Variants in TOP6BL observed in about 807,000 individuals in gnomAD.
TOP6BL encodes the protein TOP6B like initiator of meiotic double strand breaks, also known as type 2 DNA topoisomerase 6 subunit B-like.
chr11:66,798,521 A>G, the TOP6BL span, among the ~76,000 whole-genome samples: 1 of 148,164 alleles, frequency 6.7e-6, no homozygotes, highest in Non-Finnish European at 1.5e-5. Flanking sequence ...AATCGCTTGA[A>G]CCCAGGAGGT....
the TOP6BL span, among the ~76,000 whole-genome samples, chr11:66,821,286 A>ATTT: frequency 9.4e-6 from 1 of 106,342 alleles, no homozygotes; most frequent in African/African-American, 3.5e-5. Flanking sequence ...ACATCTGGTA[A>ATTT]TTTTTTTTTT....
chr11:66,755,841 C>G, the TOP6BL span, among the ~76,000 whole-genome samples: 1 of 152,196 alleles, frequency 6.6e-6, no homozygotes, highest in African/African-American at 2.4e-5. Context: ...CCTGCCTTCA[C>G]ATGGCATTCT....
chr11:66,809,128 T>G, the TOP6BL span, among the ~76,000 whole-genome samples: 4 of 152,182 alleles, frequency 2.6e-5, no homozygotes, highest in Admixed American at 2.6e-4. Context: ...GTATTTTTAG[T>G]AGAGACGGGG....
chr11:66,772,396 A>G, the TOP6BL span, among the ~76,000 whole-genome samples: 1 of 152,230 alleles, frequency 6.6e-6, no homozygotes, highest in Non-Finnish European at 1.5e-5. Flanking sequence ...GATTGAAACC[A>G]GGAGTTGTAG....
the TOP6BL span, among the ~76,000 whole-genome samples, chr11:66,797,862 G>A: frequency 6.6e-6 from 1 of 152,122 alleles, no homozygotes; most frequent in Non-Finnish European, 1.5e-5. Context: ...TTTATTATCT[G>A]TAGTTAGATA....
chr11:66,828,342 A>T, the TOP6BL span: 1 of 1,613,074 alleles, frequency 6.2e-7, no homozygotes, highest in African/African-American at 1.3e-5. Flanking sequence ...TTTCTTCACC[A>T]CTGCTCATGT....
At chr11:66,824,462 AT>A in the TOP6BL span, among the ~76,000 whole-genome samples, 1 of 131,784 alleles carries the variant, frequency 7.6e-6, no homozygotes, top group Non-Finnish European at 1.6e-5. Context: ...TATTATTATT[AT>A]ACTTTAAGTT....
chr11:66,783,975 A>G, the TOP6BL span, among the ~76,000 whole-genome samples: 4 of 151,986 alleles, frequency 2.6e-5, no homozygotes, highest in African/African-American at 9.7e-5. Flanking sequence ...AGAGCTGTGC[A>G]CCACCACACC....
the TOP6BL span, among the ~76,000 whole-genome samples, chr11:66,824,319 C>T: frequency 1.3e-5 from 2 of 151,664 alleles, no homozygotes; most frequent in Non-Finnish European, 2.9e-5. Flanking sequence ...GATCTTGGCT[C>T]ACCGCAACCT....
the TOP6BL span, chr11:66,761,433 A>G: frequency 1.7e-4 from 44 of 259,224 alleles, no homozygotes; most frequent in Middle Eastern, 2.7e-3. Context: ...ATGAGGGTGC[A>G]AAACATAGAA....
the TOP6BL span, among the ~76,000 whole-genome samples, chr11:66,797,413 C>G: frequency 1.1e-4 from 16 of 151,962 alleles, no homozygotes; most frequent in Non-Finnish European, 2.2e-4. Flanking sequence ...CTTTAGATAC[C>G]TCTTCCCTCC....
the TOP6BL span, chr11:66,758,209 C>T: frequency 2.4e-6 from 2 of 823,000 alleles, no homozygotes; most frequent in Non-Finnish European, 2.9e-6. Flanking sequence ...TATTCACTGT[C>T]TACCCTGAAT....
the TOP6BL span, among the ~76,000 whole-genome samples, chr11:66,767,763 T>G: frequency 3.9e-5 from 6 of 152,264 alleles, no homozygotes; most frequent in South Asian, 1.2e-3. Context: ...ATGCTACCCT[T>G]TTGGTGTCAG....
At chr11:66,827,341 C>T in the TOP6BL span, among the ~76,000 whole-genome samples, 11 of 152,332 alleles carry the variant, frequency 7.2e-5, no homozygotes, top group East Asian at 7.7e-4. Flanking sequence ...TGAGCCACCG[C>T]GCCCAGCCCA....
chr11:66,795,333 G>C, the TOP6BL span, among the ~76,000 whole-genome samples: 1 of 142,620 alleles, frequency 7.0e-6, no homozygotes, highest in Admixed American at 7.2e-5. Context: ...ACAGAGTCTA[G>C]CTCTGTCACC....
the TOP6BL span, among the ~76,000 whole-genome samples, chr11:66,784,212 T>C: frequency 2.6e-5 from 4 of 152,208 alleles, no homozygotes; most frequent in African/African-American, 7.2e-5. Flanking sequence ...TTTTTGTATT[T>C]TTAGTAGAGA....
At chr11:66,747,681 T>C in the TOP6BL span, among the ~76,000 whole-genome samples, 1 of 152,182 alleles carries the variant, frequency 6.6e-6, no homozygotes, top group Non-Finnish European at 1.5e-5. Context: ...TGCAGTGGCC[T>C]GATCAGGGCT....
chr11:66,835,332 A>G, the TOP6BL span, among the ~76,000 whole-genome samples: 38 of 152,126 alleles, frequency 2.5e-4, no homozygotes, highest in Admixed American at 2.2e-3. Flanking sequence ...TGTCTTTAGA[A>G]TTATTTTTGC....
chr11:66,839,083 T>C, the TOP6BL span: 3 of 455,890 alleles, frequency 6.6e-6, no homozygotes, highest in Non-Finnish European at 1.3e-5. Context: ...GTGCGTGGGT[T>C]GTGATTGCAA....
Sources: gnomAD v4.1 joint callset for allele counts (sites outside exome capture counted in the v4.1 genomes callset) on GRCh38, gnomAD v4.1.1 for gene constraint, MANE v1.5 for transcripts, NCBI Gene and HGNC (gene_info 2026-07-23, HGNC 2026-07-21) for gene names.